Variants in MAP7 observed in about 807,000 individuals in gnomAD.
MAP7 encodes microtubule associated protein 7.
In MAP7, 52 loss-of-function variants were observed where a neutral mutation model predicts 94.8. That is an observed-to-expected ratio of 0.55 (90% CI 0.44 to 0.69). The LOEUF (loss-of-function observed/expected upper bound fraction) is 0.69, where lower values mean the gene tolerates loss of function less well. Among genes scored for constraint, MAP7 ranks in the 30% least tolerant of loss-of-function variants. The pLI, the probability that MAP7 is intolerant of heterozygous loss-of-function variation, is 0.00. For missense variants in MAP7, 940 were observed against 964.6 expected (o/e 0.97, Z 0.34); for synonymous variants, 350 against 357.0 (o/e 0.98, Z 0.22).
intron 1 of MAP7, among the ~76,000 whole-genome samples, chr6:136,455,197 T>C (rs927485594): frequency 2.0e-5 from 3 of 151,916 alleles, no homozygotes; most frequent in Non-Finnish European, 4.4e-5. Context: ...ATATGAGTAG[T>C]AGACAGGTAA....
At chr6:136,349,770 G>C (rs894438533) in intron 16 of MAP7, among the ~76,000 whole-genome samples, 4 of 152,112 alleles carry the variant, frequency 2.6e-5, no homozygotes, top group Non-Finnish European at 5.9e-5. Context: ...CCTGTCAGGG[G>C]GAAAAGAGAT....
At chr6:136,521,479 A>G (rs534282752) in intron 1 of MAP7, among the ~76,000 whole-genome samples, 1 of 152,202 alleles carries the variant, frequency 6.6e-6, no homozygotes, top group Non-Finnish European at 1.5e-5. Flanking sequence ...ATTTAGAGTC[A>G]AGTCTCATGA....
chr6:136,502,398 CTCT>C (rs1226799213), intron 1 of MAP7, among the ~76,000 whole-genome samples: 4 of 152,228 alleles, frequency 2.6e-5, no homozygotes, highest in African/African-American at 9.6e-5. Context: ...ATACTAAAGG[CTCT>C]TACAAGTTCA....
At chr6:136,383,544 GT>G (rs1778358022) in intron 6 of MAP7, 126 bp downstream of exon 6, 8 of 524,950 alleles carry the variant, frequency 1.5e-5, no homozygotes, top group African/African-American at 2.0e-5. Context: ...TTACTCTGAA[GT>G]TTTTTTCTTC....
At chr6:136,446,847 G>A (rs1799517708) in intron 1 of MAP7, among the ~76,000 whole-genome samples, 1 of 152,160 alleles carries the variant, frequency 6.6e-6, no homozygotes. Flanking sequence ...TATACATTGA[G>A]GCTCAGTCTG....
intron 1 of MAP7, among the ~76,000 whole-genome samples, chr6:136,443,991 G>C (rs1012343992): frequency 6.6e-6 from 1 of 152,226 alleles, no homozygotes; most frequent in African/African-American, 2.4e-5. Flanking sequence ...AATTAATACA[G>C]AAAGTCTGCA....
chr6:136,365,975 G>A lies in MAP7; in HGVS notation c.1033C>T (p.Pro345Ser), dbSNP rs983626783. Residue 345 changes from proline (P) to serine (S), a missense_variant, in exon 10 of 18, where the codon CCG (proline) becomes TCG (serine). Physicochemically the swap from Pro to Ser is moderately conservative, Grantham distance 74. Coordinates refer to ENST00000354570, the MANE Select transcript of MAP7 (RefSeq NM_003980.6). ...SLPHLPGTPR[P>S]TSSLPPGSVK... The stretch of plus-strand genomic sequence containing the variant: ...GAGCCGGGTGGCAAGGAGGATGTCG[G>A]TCTGGGTGTGCCAGGCAAATGAGGA... 1 of 1,613,094 alleles carries A rather than the reference G, an allele frequency of 6.2e-7. No homozygotes were observed. The highest frequency in any genetic ancestry group is 1.7e-5 in the Admixed American group (1 of 60,004).
At chr6:136,485,223 T>C (rs962216625) in intron 1 of MAP7, among the ~76,000 whole-genome samples, 2 of 152,238 alleles carry the variant, frequency 1.3e-5, no homozygotes, top group African/African-American at 4.8e-5. Flanking sequence ...CAATAAGGTC[T>C]CTAAACTTAC....
chr6:136,407,646 T>G (rs1286583824), intron 3 of MAP7, among the ~76,000 whole-genome samples: 1 of 152,180 alleles, frequency 6.6e-6, no homozygotes, highest in Non-Finnish European at 1.5e-5. Context: ...GGCTAGTTGA[T>G]AGTAGATAGT....
intron 1 of MAP7, among the ~76,000 whole-genome samples, chr6:136,502,090 T>C (rs1421084367): frequency 6.6e-6 from 1 of 152,226 alleles, no homozygotes; most frequent in Non-Finnish European, 1.5e-5. Flanking sequence ...ATTTTTTATG[T>C]AGCAGGGGTC....
rs540960025 is a variant in MAP7 at position 136,409,809 on chromosome 6, C to T, written c.244+1811G>A. On this transcript the variant is annotated intron_variant, in intron 3 of 17. Coordinates refer to ENST00000354570, the MANE Select transcript of MAP7 (RefSeq NM_003980.6). ...TAGCCCTAGAGGGCTGGGTGTCAAC[C>T]TTTATTCATCTTTTTGTCATCTTTT... Among the ~76,000 whole-genome samples the T allele has an allele frequency of 1.7e-4, 26 of 152,306 alleles. No individual in the cohort carries two copies. The South Asian group carries it at 5.0e-3, about 29-fold the overall frequency.
intron 1 of MAP7, among the ~76,000 whole-genome samples, chr6:136,472,951 C>T (rs1218467464): frequency 3.3e-5 from 5 of 152,198 alleles, no homozygotes; most frequent in Non-Finnish European, 7.3e-5. Context: ...CAATTTCTTT[C>T]CATCTACTTT....
rs1188588045 is a variant in MAP7 at position 136,343,578 on chromosome 6, T to C, written c.*650A>G. The stretch of plus-strand genomic sequence containing the variant: ...TTATGTAAGAGGGCAGTAAATTATT[T>C]TCTTGCTTTGAAAAAATAATGTTTT... On this transcript the variant is annotated 3_prime_UTR_variant, in exon 18 of 18. Coordinates refer to ENST00000354570, the MANE Select transcript of MAP7 (RefSeq NM_003980.6). The C allele has an allele frequency of 4.6e-5, 7 of 152,476 alleles. No homozygotes were observed. Among genetic ancestry groups the C allele is most frequent in the Non-Finnish European group, 7.3e-5 (5 of 68,032 alleles). The allele number at this position is 152,476 out of a possible 1,614,324, so 9.4% of individuals were successfully genotyped here. A position where few individuals can be genotyped will look rare whatever the true frequency, so the allele number is the denominator to read the frequency against.
At chr6:136,494,236 T>A (rs1299486145) in intron 1 of MAP7, among the ~76,000 whole-genome samples, 1 of 152,186 alleles carries the variant, frequency 6.6e-6, no homozygotes, top group African/African-American at 2.4e-5. Context: ...GAAGATTTGC[T>A]ACAAGAAAGG....
At chr6:136,391,551 T>A (rs866298026) in intron 3 of MAP7, among the ~76,000 whole-genome samples, 405 of 74,782 alleles carry the variant, frequency 5.4e-3, no homozygotes, top group Admixed American at 8.8e-3. Context: ...TAGAGTATAA[T>A]AAAAAACAAC....
At chr6:136,452,304 G>A (rs1467740659) in intron 1 of MAP7, among the ~76,000 whole-genome samples, 1 of 152,234 alleles carries the variant, frequency 6.6e-6, no homozygotes, top group African/African-American at 2.4e-5. Context: ...TAAGATGGAA[G>A]CTACTCCTGG....
intron 3 of MAP7, among the ~76,000 whole-genome samples, chr6:136,401,573 C>T (rs866780645): frequency 3.3e-5 from 5 of 152,052 alleles, no homozygotes; most frequent in African/African-American, 9.7e-5. Flanking sequence ...TAGGTGGGAA[C>T]TGAACAATGA....
At chr6:136,533,539 C>T (rs1241205941) in intron 1 of MAP7, among the ~76,000 whole-genome samples, 1 of 152,164 alleles carries the variant, frequency 6.6e-6, no homozygotes, top group Admixed American at 6.5e-5. Flanking sequence ...TCCTCAATCC[C>T]ATCTGTGTTA....
chr6:136,505,277 G>GTATATATATATATATATATA (rs56764706), intron 1 of MAP7, among the ~76,000 whole-genome samples: 23 of 53,822 alleles, frequency 4.3e-4, no homozygotes, highest in African/African-American at 1.4e-3. Context: ...GTGTGTGTGT[G>GTATATATATATATATATATA]TATATATATA....
Sources: allele counts gnomAD v4.1 joint callset (sites outside exome capture counted in the v4.1 genomes callset), GRCh38; gene constraint gnomAD v4.1.1; transcripts MANE v1.5; gene names NCBI Gene and HGNC (gene_info 2026-07-23, HGNC 2026-07-21).